Variants in FGD2 observed in about 807,000 individuals in gnomAD.
FGD2 encodes FYVE, RhoGEF and PH domain-containing protein 2.
A neutral mutation model predicts 75.9 loss-of-function variants in FGD2; 52 were observed. The observed-to-expected ratio is 0.69, with a 90% CI of 0.55 to 0.86. FGD2 has a LOEUF of 0.86. FGD2 is among the 40% of genes least tolerant of loss of function. The pLI is 0.00. For missense variants in FGD2, 790 were observed against 872.0 expected (o/e 0.91, Z 1.18); for synonymous variants, 347 against 348.6 (o/e 1.00, Z 0.05).
rs1218322093 is a variant in FGD2, at chr6:37,020,572, A to G, written c.1154A>G (p.His385Arg). Residue 385 changes from histidine (H) to arginine (R), a missense_variant, in exon 10 of 16, where the codon CAC (histidine) becomes CGC (arginine). Transcript: ENST00000274963. ...GAGCTGATGGATGCTGAGTTTCCCC[A>G]CTCCTTCCTGGTGTCCGGGAAGCAG... ...VRELMDAEFP[H>R]SFLVSGKQRT... 1 of 1,608,082 alleles carries G rather than the reference A, an allele frequency of 6.2e-7. No homozygotes were observed. The highest frequency in any genetic ancestry group is 2.2e-5 in the East Asian group (1 of 44,770).
At chr6:37,024,341 A>C (rs575375600) in intron 13 of FGD2, 17 of 152,262 alleles carry the variant, frequency 1.1e-4, no homozygotes, top group African/African-American at 3.4e-4. Flanking sequence ...ACTCCATCTC[A>C]AAAAAATAAA....
At chr6:37,026,445 GC>G in intron 14 of FGD2, 1 of 973,990 alleles carries the variant, frequency 1.0e-6, no homozygotes, top group Non-Finnish European at 1.2e-6. Flanking sequence ...CAAGTTAGGA[GC>G]CAGCTCTCTG....
At chr6:37,026,054 C>A in intron 14 of FGD2, 116 bp downstream of exon 14, 1 of 1,479,678 alleles carries the variant, frequency 6.8e-7, no homozygotes, top group Admixed American at 2.1e-5. Context: ...CATGGTCACA[C>A]CCTCCCCCCT....
chr6:37,020,094 T>C (rs1380937429), intron 9 of FGD2, among the ~76,000 whole-genome samples: 1 of 152,174 alleles, frequency 6.6e-6, no homozygotes, highest in Non-Finnish European at 1.5e-5. Flanking sequence ...TCTAGTGATC[T>C]ACCCGCCTTG....
chr6:37,026,420 C>T (rs1765824403), intron 14 of FGD2: 1 of 983,964 alleles, frequency 1.0e-6, no homozygotes, highest in Non-Finnish European at 1.2e-6. Context: ...GAGTGACTTG[C>T]CCAAGATCAC....
At chr6:37,017,386 A>G (rs1203718223) in intron 9 of FGD2, among the ~76,000 whole-genome samples, 1 of 152,248 alleles carries the variant, frequency 6.6e-6, no homozygotes, top group Non-Finnish European at 1.5e-5. Context: ...AAACCTTTCT[A>G]ACTTAAATAA....
rs1308931311 is a variant in FGD2 at position 37,005,705 on chromosome 6, G to C, written c.-113G>C. 1 of 1,149,844 alleles carries C rather than the reference G, an allele frequency of 8.7e-7. No homozygotes were observed. The highest frequency in any genetic ancestry group is 1.5e-5 in the African/African-American group (1 of 66,034). The allele number at this position is 1,149,844 out of a possible 1,614,324, so 71.2% of individuals were successfully genotyped here. ...TGAGCCCTCAAGAAAGATCAGAACA[G>C]ATTCATGGGTGATTTAGCCTATCTG... On this transcript the variant is annotated 5_prime_UTR_variant, in exon 1 of 16. Transcript: ENST00000274963.
Position 37,014,020 on chromosome 6 carries a change from G to A in FGD2, c.743G>A (p.Arg248Lys). 1 of 1,614,122 alleles carries A rather than the reference G, an allele frequency of 6.2e-7. No individual in the cohort carries two copies. The highest frequency in any genetic ancestry group is 8.5e-7 in the Non-Finnish European group (1 of 1,179,992). ...LQHHMLEPVQ[R>K]IPRYELLLKE... ...CACCACATGCTGGAACCAGTGCAGA[G>A]AATTCCACGTTACGAGCTGCTGCTC... The change falls in exon 6 of 16, where the codon AGA (arginine) becomes AAA (lysine). Residue 248 changes from arginine to lysine, a missense_variant. Arg to Lys is a conservative substitution (Grantham distance 26, BLOSUM62 2). Coordinates refer to ENST00000274963, the MANE Select transcript of FGD2 (RefSeq NM_173558.4).
intron 13 of FGD2, chr6:37,023,081 C>G (rs1765669807): frequency 6.4e-6 from 1 of 155,462 alleles, no homozygotes; most frequent in Non-Finnish European, 1.5e-5. Context: ...CCCGCACCCC[C>G]TCAGGCCTTG....
At chr6:37,018,618 C>T (rs925508180) in intron 9 of FGD2, among the ~76,000 whole-genome samples, 15 of 152,176 alleles carry the variant, frequency 9.9e-5, no homozygotes, top group African/African-American at 3.6e-4. Context: ...GGTGTGGACA[C>T]ACATACCTAG....
rs75855274 is a variant in FGD2 at position 37,006,406 on chromosome 6, C to T, written c.68+521C>T. Among the ~76,000 whole-genome samples the T allele has an allele frequency of 2.2e-3, 339 of 152,266 alleles. 6 individuals are homozygous for T. In the East Asian group the frequency reaches 0.023, roughly 10 times the overall value. On this transcript the variant is annotated intron_variant, in intron 1 of 15. Transcript: ENST00000274963. ...TCCCTACTCTAAGTTCATGTCCTTA[C>T]TTATTTAATTTAGTCATCGAACAGC... is the stretch of plus-strand genomic sequence containing the variant.
chr6:37,028,615 C>CTTCTTTT lies in FGD2; in HGVS notation c.*454_*455insCTTTTTT, dbSNP rs781196997. The stretch of plus-strand genomic sequence containing the variant: ...GGCTGAGTTGGGGGAGGCATGGGGT[C>CTTCTTTT]TTTTTTTTTTTTTTTTTGAGACAGA... On this transcript the variant is annotated 3_prime_UTR_variant, in exon 16 of 16. Transcript: ENST00000274963. 1.3e-5 allele frequency: 1 copy of CTTCTTTT among 79,024 alleles called. No individual in the cohort carries two copies. Among genetic ancestry groups the CTTCTTTT allele is most frequent in the African/African-American group, 5.5e-5 (1 of 18,142 alleles). The allele number at this position is 79,024 out of a possible 1,614,324, so 4.9% of individuals were successfully genotyped here.
intron 9 of FGD2, 121 bp downstream of exon 9, chr6:37,015,981 A>G (rs901626042): frequency 1.5e-5 from 13 of 880,736 alleles, no homozygotes; most frequent in Admixed American, 2.7e-5. Context: ...GGCCTGGGCA[A>G]ACATGGAGAT....
At chr6:37,021,095 C>G (rs1276191213) in intron 11 of FGD2, among the ~76,000 whole-genome samples, 2 of 151,200 alleles carry the variant, frequency 1.3e-5, no homozygotes, top group African/African-American at 4.9e-5. Context: ...TGTTTGTATG[C>G]ATGTGTATGT....
At chr6:37,021,286 C>A (rs1765579352) in intron 11 of FGD2, among the ~76,000 whole-genome samples, 1 of 152,136 alleles carries the variant, frequency 6.6e-6, no homozygotes, top group Non-Finnish European at 1.5e-5. Context: ...CCTAGCTGGG[C>A]AGTCCAGGGC....
intron 11 of FGD2, 89 bp from the exon 12 acceptor site, chr6:37,021,423 T>C: frequency 8.2e-7 from 1 of 1,213,344 alleles, no homozygotes; most frequent in African/African-American, 1.5e-5. Context: ...CTTTCAGCCC[T>C]GTCTGTTGCA....
At chr6:37,014,745 T>C in intron 7 of FGD2, 41 bp downstream of exon 7, 6 of 1,612,860 alleles carry the variant, frequency 3.7e-6, no homozygotes, top group Non-Finnish European at 5.1e-6. Context: ...TCCCCCTCCC[T>C]GCAGGTCTCA....
intron 14 of FGD2, among the ~76,000 whole-genome samples, chr6:37,026,578 A>G (rs1440807188): frequency 6.6e-6 from 1 of 152,132 alleles, no homozygotes; most frequent in Non-Finnish European, 1.5e-5. Flanking sequence ...TACAATGTCA[A>G]CCAGCTCAGC....
chr6:37,013,818 C>A, intron 5 of FGD2, 53 bp downstream of exon 5: 1 of 1,604,362 alleles, frequency 6.2e-7, no homozygotes, highest in East Asian at 2.2e-5. Flanking sequence ...CATGCAGTGG[C>A]TCAGGTTGCC....
Sources: allele counts gnomAD v4.1 joint callset (sites outside exome capture counted in the v4.1 genomes callset), GRCh38; gene constraint gnomAD v4.1.1; transcripts MANE v1.5; gene names NCBI Gene and HGNC (gene_info 2026-07-23, HGNC 2026-07-21).